SLC39A11: variants seen among roughly 807,000 people sequenced by gnomAD.
SLC39A11 encodes zinc transporter ZIP11.
In SLC39A11, 33 loss-of-function variants were observed where a neutral mutation model predicts 36.1. The observed-to-expected ratio is 0.91, with a 90% CI of 0.69 to 1.22. The LOEUF (loss-of-function observed/expected upper bound fraction) is 1.22. Among genes scored for constraint, SLC39A11 ranks in the 50% most tolerant of loss-of-function variants. The pLI is 0.00. For missense variants in SLC39A11, 432 were observed against 430.3 expected (o/e 1.00, Z -0.03); for synonymous variants, 166 against 170.3 (o/e 0.97, Z 0.20).
At chr17:72,839,352 A>C (rs1032983278) in intron 6 of SLC39A11, 3 of 152,180 alleles carry the variant, frequency 2.0e-5, no homozygotes, top group African/African-American at 7.2e-5. Flanking sequence ...GAGATTTTTC[A>C]GATATGATTA....
At chr17:72,829,120 G>A (rs1033467395) in intron 6 of SLC39A11, among the ~76,000 whole-genome samples, 3 of 152,066 alleles carry the variant, frequency 2.0e-5, no homozygotes, top group South Asian at 2.1e-4. Context: ...GAGAGGCCGA[G>A]GTGGGAGGAT....
intron 7 of SLC39A11, among the ~76,000 whole-genome samples, chr17:72,686,922 C>T (rs1598344561): frequency 6.6e-6 from 1 of 152,222 alleles, no homozygotes; most frequent in East Asian, 1.9e-4. Context: ...CCTAGACATG[C>T]TAAAGAAATA....
intron 6 of SLC39A11, among the ~76,000 whole-genome samples, chr17:72,764,356 C>T (rs1464580335): frequency 6.6e-6 from 1 of 152,168 alleles, no homozygotes; most frequent in Admixed American, 6.5e-5. Flanking sequence ...AGGCAAAGCT[C>T]TTCTGTGCTT....
In SLC39A11 at chr17:72,772,470, C is replaced by T. The variant is rs148820805; in HGVS notation, c.602-35751G>A. On this transcript the variant is annotated intron_variant, in intron 6 of 9. Transcript: ENST00000255559. ...CTGCCTTGGGCATCTTCTATCTCTC[C>T]GTTAATCCGGAAGCCACATAGTGAG... 7.9e-5 allele frequency among the ~76,000 whole-genome samples: 12 copies of T among 152,246 alleles called. No homozygotes were observed. In the East Asian group the frequency reaches 2.3e-3, roughly 30 times the overall value.
At chr17:73,074,991 C>G (rs1388052332) in intron 3 of SLC39A11, among the ~76,000 whole-genome samples, 1 of 152,180 alleles carries the variant, frequency 6.6e-6, no homozygotes, top group Non-Finnish European at 1.5e-5. Flanking sequence ...TGGTTCAAGA[C>G]TTGCCAAAGA....
chr17:72,776,621 A>AAC (rs1006764598), intron 6 of SLC39A11, among the ~76,000 whole-genome samples: 24 of 151,030 alleles, frequency 1.6e-4, no homozygotes, highest in Non-Finnish European at 3.1e-4. Flanking sequence ...AAAAAAAAAA[A>AAC]AAAAAAAACA....
chr17:72,796,618 C>T (rs2076903357), intron 6 of SLC39A11, among the ~76,000 whole-genome samples: 1 of 152,120 alleles, frequency 6.6e-6, no homozygotes, highest in African/African-American at 2.4e-5. Flanking sequence ...CACGTTTCAA[C>T]AGGCAGCTGA....
chr17:72,985,903 T>A (rs188732010), intron 4 of SLC39A11, among the ~76,000 whole-genome samples: 2 of 152,104 alleles, frequency 1.3e-5, no homozygotes, highest in Non-Finnish European at 2.9e-5. Flanking sequence ...TTCAATATGA[T>A]TTTTTCCTTA....
At chr17:72,912,907 A>G (rs922967795) in intron 5 of SLC39A11, among the ~76,000 whole-genome samples, 1 of 152,174 alleles carries the variant, frequency 6.6e-6, no homozygotes, top group Non-Finnish European at 1.5e-5. Flanking sequence ...AATCGGCTCA[A>G]GAGTGCTGAC....
intron 5 of SLC39A11, among the ~76,000 whole-genome samples, chr17:72,923,963 G>A (rs989733652): frequency 2.6e-5 from 4 of 151,698 alleles, no homozygotes; most frequent in African/African-American, 9.7e-5. Flanking sequence ...CAAACAATAT[G>A]GCGAAGACTT....
intron 4 of SLC39A11, among the ~76,000 whole-genome samples, chr17:72,971,336 A>ACACACACTCT (rs1555657685): frequency 1.2e-4 from 17 of 143,498 alleles, no homozygotes; most frequent in African/African-American, 3.6e-4. Context: ...ACACACACAC[A>ACACACACTCT]CTCTCTCTCT....
intron 5 of SLC39A11, 117 bp from the exon 6 acceptor site, chr17:72,849,921 T>C: frequency 9.9e-7 from 1 of 1,011,806 alleles, no homozygotes; most frequent in Non-Finnish European, 1.4e-6. Flanking sequence ...TGAGACAGGG[T>C]CTTACTCTGT....
At chr17:72,835,145 G>A (rs1302366849) in intron 6 of SLC39A11, among the ~76,000 whole-genome samples, 1 of 152,210 alleles carries the variant, frequency 6.6e-6, no homozygotes, top group African/African-American at 2.4e-5. Context: ...TGAGCAAAAT[G>A]TCATCCCATG....
chr17:72,649,210 G>A lies in SLC39A11; in HGVS notation c.730C>T (p.Pro244Ser), dbSNP rs777918967. The change falls in exon 8 of 10, where the codon CCC (proline) becomes TCC (serine). Residue 244 changes from proline (P) to serine (S), a missense_variant. By Grantham distance (74) the Pro-to-Ser change is moderately conservative (BLOSUM62 -1). Transcript: ENST00000255559. ...NFPEGLAVSLPLRGAGFSTWR... is the reference protein window; with the variant it reads ...NFPEGLAVSLSLRGAGFSTWR... ...GTGGAGAAGCCTGCCCCTCGCAAGG[G>A]AAGGCTGACAGCCAGGCCCTCGGGG... is the stretch of plus-strand genomic sequence containing the variant. 5 of 1,614,120 alleles carry A rather than the reference G, an allele frequency of 3.1e-6. No individual in the cohort carries two copies. Among genetic ancestry groups the A allele is most frequent in the South Asian group, 1.1e-5 (1 of 91,086 alleles).
intron 6 of SLC39A11, among the ~76,000 whole-genome samples, chr17:72,840,731 T>C (rs1206235669): frequency 2.0e-5 from 3 of 151,754 alleles, no homozygotes; most frequent in African/African-American, 2.4e-5. Context: ...CACTCTACCC[T>C]GGGTGACAAG....
intron 4 of SLC39A11, among the ~76,000 whole-genome samples, chr17:73,009,733 A>G (rs1173430376): frequency 6.6e-6 from 1 of 152,178 alleles, no homozygotes; most frequent in Non-Finnish European, 1.5e-5. Context: ...TTTCATCTCA[A>G]TACAACAAAT....
chr17:72,751,920 TG>T (rs2075170256), intron 6 of SLC39A11, among the ~76,000 whole-genome samples: 1 of 152,056 alleles, frequency 6.6e-6, no homozygotes, highest in African/African-American at 2.4e-5. Flanking sequence ...CTCCACCCAC[TG>T]AACCCAGATC....
intron 7 of SLC39A11, among the ~76,000 whole-genome samples, chr17:72,714,683 T>C (rs879843501): frequency 6.6e-6 from 1 of 152,190 alleles, no homozygotes; most frequent in Non-Finnish European, 1.5e-5. Flanking sequence ...TTGCACACCG[T>C]GTCTGTGTTG....
intron 3 of SLC39A11, among the ~76,000 whole-genome samples, chr17:73,037,861 G>C (rs1009030752): frequency 1.3e-5 from 2 of 152,248 alleles, no homozygotes; most frequent in Non-Finnish European, 2.9e-5. Context: ...ATGTTGCTAA[G>C]ACCAAAGCAG....
Sources: allele counts gnomAD v4.1 joint callset (sites outside exome capture counted in the v4.1 genomes callset), GRCh38; gene constraint gnomAD v4.1.1; transcripts MANE v1.5; gene names NCBI Gene and HGNC (gene_info 2026-07-23, HGNC 2026-07-21).